ZFP90: variants seen among roughly 807,000 people sequenced by gnomAD.
ZFP90 encodes ZFP90 zinc finger protein, also known as zinc finger protein 90 homolog.
Under a neutral mutation model 60.8 loss-of-function variants are expected in ZFP90, and 38 were observed. The ratio of observed to expected loss-of-function variants is 0.62; its 90% CI spans 0.48 to 0.82. ZFP90 has a LOEUF of 0.82. Among genes scored for constraint, ZFP90 ranks in the 40% least tolerant of loss-of-function variants. The pLI, the probability that ZFP90 is intolerant of heterozygous loss-of-function variation, is 0.00. For missense variants in ZFP90, 711 were observed against 759.1 expected, an observed-to-expected ratio of 0.94 and a Z score of 0.74; for synonymous variants, 287 against 264.8, an observed-to-expected ratio of 1.08 and a Z score of -0.82.
At chr16:68,562,847 C>G in intron 4 of ZFP90, 197 bp from the exon 5 acceptor site, 1 of 1,270,960 alleles carries the variant, frequency 7.9e-7, no homozygotes, top group South Asian at 1.4e-5. Flanking sequence ...TCTGGACTTA[C>G]CACATACTCT....
In ZFP90 at chr16:68,575,837, C is replaced by T. The variant is rs1022731429; in HGVS notation, c.270C>T (p.Gly90=). ...TGTCGCTACCATCTGGGAGTAAGGG[C>T]GAAAGAAGACAGAAACTTCCAAGAA... The change falls in exon 3 of 3, where the codon GGC becomes GGT. Residue 90 remains glycine, a synonymous_variant. Transcript: ENST00000573113. The T allele has an allele frequency of 1.0e-5, 4 of 398,136 alleles. No individual in the cohort carries two copies. In the East Asian group the frequency reaches 1.1e-4, roughly 11 times the overall value. 24.7% of individuals were successfully genotyped at this position (398,136 alleles called of 1,614,324 possible). A position where few individuals can be genotyped will look rare whatever the true frequency, so the allele number is the denominator to read the frequency against.
downstream of ZFP90, among the ~76,000 whole-genome samples, chr16:68,569,059 C>G (rs1008858241): frequency 2.0e-5 from 3 of 151,718 alleles, no homozygotes; most frequent in Admixed American, 6.6e-5. Flanking sequence ...AAAGAAGAGC[C>G]TAGAGCTGCC....
At chr16:68,539,718 T>C (rs1449804162) in intron 1 of ZFP90, 40 bp from the exon 2 acceptor site, 25 of 1,455,956 alleles carry the variant, frequency 1.7e-5, no homozygotes, top group Non-Finnish European at 2.3e-5. Flanking sequence ...GTGGGGTCGG[T>C]GTTGCAGCGG....
At chr16:68,569,690 C>T (rs1216994320), downstream of ZFP90, among the ~76,000 whole-genome samples, 1 of 151,866 alleles carries the variant, frequency 6.6e-6, no homozygotes, top group Non-Finnish European at 1.5e-5. Flanking sequence ...TTCTTGAGCC[C>T]AGGAGTTCGA....
In ZFP90 at chr16:68,539,765, C is replaced by CCCGGAG; in HGVS notation, c.-23_-18dup. The CCCGGAG allele has an allele frequency of 6.4e-7, 1 of 1,572,562 alleles. No individual in the cohort carries two copies. Among genetic ancestry groups the CCCGGAG allele is most frequent in the South Asian group, 1.2e-5 (1 of 86,336 alleles). On this transcript the variant is annotated 5_prime_UTR_variant, in exon 2 of 5. Transcript: ENST00000563169. ...CCTGTCCTTTCTCCCCAGCTCCTGC[C>CCCGGAG]CCGGAGCCGGGCCCTGGCGAGGCAG...
intron 2 of ZFP90, among the ~76,000 whole-genome samples, chr16:68,556,321 AG>A (rs2091343815): frequency 6.6e-6 from 1 of 152,200 alleles, no homozygotes; most frequent in African/African-American, 2.4e-5. Context: ...CCAGCCAGCC[AG>A]CCATGTGTCC....
intron 2 of ZFP90, among the ~76,000 whole-genome samples, chr16:68,534,079 C>G (rs1023479926): frequency 1.3e-5 from 2 of 152,020 alleles, no homozygotes; most frequent in African/African-American, 4.8e-5. Flanking sequence ...ATTGTTATAG[C>G]TCTCTGCCTT....
upstream of ZFP90, among the ~76,000 whole-genome samples, chr16:68,536,624 A>G (rs915341120): frequency 6.6e-6 from 1 of 152,114 alleles, no homozygotes; most frequent in Non-Finnish European, 1.5e-5. Context: ...CTTTCCCGTC[A>G]TACTCTTATA....
chr16:68,557,195 C>T (rs527433423), intron 2 of ZFP90: 6 of 455,048 alleles, frequency 1.3e-5, no homozygotes, highest in South Asian at 9.3e-5. Context: ...GCTCTATTGC[C>T]TAGGATGGTC....
chr16:68,543,771 G>A (rs1378366563), intron 2 of ZFP90, among the ~76,000 whole-genome samples: 2 of 151,644 alleles, frequency 1.3e-5, no homozygotes, highest in African/African-American at 4.8e-5. Context: ...ATGTTGACCA[G>A]GATGGTCTCG....
intron 3 of ZFP90, 144 bp downstream of exon 3, chr16:68,558,268 A>G (rs905341609): frequency 3.7e-6 from 5 of 1,351,288 alleles, no homozygotes; most frequent in South Asian, 2.4e-5. Flanking sequence ...ACCCAGTTTT[A>G]TGGGGTTTTG....
At chr16:68,546,615 A>G (rs1028881591) in intron 2 of ZFP90, among the ~76,000 whole-genome samples, 2 of 152,164 alleles carry the variant, frequency 1.3e-5, no homozygotes, top group Non-Finnish European at 2.9e-5. Context: ...TCCTGGGTTC[A>G]GGCGGTTCTG....
At position 68,564,194 on chromosome 16, in the gene ZFP90, G is replaced by C; in HGVS notation, c.1407G>C (p.Gln469His). 1 of 1,614,100 alleles carries C rather than the reference G, an allele frequency of 6.2e-7. No individual in the cohort carries two copies. Among genetic ancestry groups the C allele is most frequent in the Non-Finnish European group, 8.5e-7 (1 of 1,180,012 alleles). Residue 469 changes from glutamine to histidine, a missense_variant, in exon 5 of 5, where the codon CAG (glutamine) becomes CAC (histidine). Gln to His is a conservative substitution (Grantham distance 24). This residue lies in a region of ZFP90 where 295 missense variants were observed against 274.0 expected (regional missense o/e 1.08). Transcript: ENST00000563169. Reference sequence around the variant, plus strand: ...ACATTACAGACTTTACTGACCATCAGAGGATCCATACTGCAGAGAACCCCT... The same window carrying C: ...ACATTACAGACTTTACTGACCATCACAGGATCCATACTGCAGAGAACCCCT... ...FSHITDFTDH[Q>H]RIHTAENPYD...
In ZFP90 at chr16:68,565,536, CT is replaced by C. The variant is rs1033933791; in HGVS notation, c.*844del. ...CTGTAGATGGTTGAACTACTAGTGA[CT>C]TTTTTCCCCTTTTCCCAGTTACAAT... On this transcript the variant is annotated 3_prime_UTR_variant, in exon 5 of 5. Coordinates refer to ENST00000563169, the MANE Select transcript of ZFP90 (RefSeq NM_001305203.2). The C allele has an allele frequency of 2.0e-6, 2 of 985,550 alleles. No homozygotes were observed. 61.1% of individuals were successfully genotyped at this position (985,550 alleles called of 1,614,324 possible).
Position 68,563,908 on chromosome 16 carries a change from C to T in ZFP90, c.1121C>T (p.Ala374Val). ...TTCCAGTGTAAGGAATGTGGGAAAG[C>T]CTTTAGTCGATGTTCTTCCCTTGTC... ...KPFQCKECGK[A>V]FSRCSSLVQH... Residue 374 changes from alanine to valine, a missense_variant, in exon 5 of 5, where the codon GCC becomes GTC. By Grantham distance (64) the Ala-to-Val change is moderately conservative. Around this residue, in one of 5 missense-constraint regions of ZFP90, gnomAD observed 146 missense variants for 201.4 expected, o/e 0.73. Transcript: ENST00000563169. The T allele has an allele frequency of 6.2e-7, 1 of 1,614,108 alleles. No individual in the cohort carries two copies.
upstream of ZFP90, among the ~76,000 whole-genome samples, chr16:68,534,754 C>T (rs2090948897): frequency 6.6e-6 from 1 of 151,376 alleles, no homozygotes; most frequent in South Asian, 2.1e-4. Flanking sequence ...AAATACAAAA[C>T]ATTAGCTTGG....
At position 68,565,981 on chromosome 16, in the gene ZFP90, A is replaced by G; in HGVS notation, c.*1283A>G. 2.6e-6 allele frequency: 2 copies of G among 773,286 alleles called. No individual in the cohort carries two copies. Among genetic ancestry groups the G allele is most frequent in the Non-Finnish European group, 1.6e-6 (1 of 636,662 alleles). 47.9% of individuals were successfully genotyped at this position (773,286 alleles called of 1,614,324 possible). A position where few individuals can be genotyped will look rare whatever the true frequency, so the allele number is the denominator to read the frequency against. ...CTCTTTAAAAAAAAAAAAAAATCCAAAAATTAGCTGGGCATGGTGGCATGC... is the reference window on the plus strand; with the variant it reads ...CTCTTTAAAAAAAAAAAAAAATCCAGAAATTAGCTGGGCATGGTGGCATGC... On this transcript the variant is annotated 3_prime_UTR_variant, in exon 5 of 5. Coordinates refer to ENST00000563169, the MANE Select transcript of ZFP90 (RefSeq NM_001305203.2).
upstream of ZFP90, among the ~76,000 whole-genome samples, chr16:68,535,250 G>C (rs1360696829): frequency 1.3e-5 from 2 of 152,218 alleles, no homozygotes; most frequent in African/African-American, 2.4e-5. Context: ...CCCAGGGACT[G>C]TGAATACAGG....
intron 2 of ZFP90, among the ~76,000 whole-genome samples, chr16:68,540,715 T>G (rs11075681): frequency 0.17 from 24,559 of 148,634 alleles, 2,676 homozygotes; most frequent in Non-Finnish European, 0.25. Flanking sequence ...GTCACACCTG[T>G]AAGTCCAGCA....
Sources: gnomAD v4.1 joint callset for allele counts (sites outside exome capture counted in the v4.1 genomes callset) on GRCh38, gnomAD v4.1.1 for gene constraint, gnomAD v4.1.1 regional missense constraint, MANE v1.5 for transcripts, NCBI Gene and HGNC (gene_info 2026-07-23, HGNC 2026-07-21) for gene names.